CMTM8: variants seen among roughly 807,000 people sequenced by gnomAD.
The protein encoded by CMTM8 is CKLF like MARVEL transmembrane domain containing 8, also known as CKLF-like MARVEL transmembrane domain-containing protein 8.
A neutral mutation model predicts 18.6 loss-of-function variants in CMTM8; 12 were observed. The observed-to-expected ratio is 0.65, with a 90% CI of 0.41 to 1.05. The LOEUF (loss-of-function observed/expected upper bound fraction) is 1.05. Ranked by LOEUF, CMTM8 falls within the 50% of genes least tolerant of loss-of-function variation. CMTM8 has a pLI of 0.00. For missense variants in CMTM8, 217 were observed against 227.2 expected (o/e 0.95, Z 0.29); for synonymous variants, 87 against 90.6 (o/e 0.96, Z 0.23).
At chr3:32,345,343 G>T (rs1239819047) in intron 1 of CMTM8, among the ~76,000 whole-genome samples, 1 of 152,028 alleles carries the variant, frequency 6.6e-6, no homozygotes, top group Non-Finnish European at 1.5e-5. Context: ...ACGACAAAAT[G>T]AGACCAGTCT....
intron 1 of CMTM8, among the ~76,000 whole-genome samples, chr3:32,352,748 T>C (rs141157869): frequency 1.1e-4 from 17 of 152,280 alleles, no homozygotes; most frequent in African/African-American, 3.9e-4. Context: ...TTGTGTTTCT[T>C]GATTTGGATG....
intron 2 of CMTM8, 87 bp downstream of exon 2, chr3:32,357,633 C>CGAG (rs1432571710): frequency 2.2e-6 from 3 of 1,361,296 alleles, no homozygotes; most frequent in Non-Finnish European, 3.0e-6. Context: ...GACTGTCTCT[C>CGAG]TGCCCAGAAA....
intron 1 of CMTM8, among the ~76,000 whole-genome samples, chr3:32,343,306 G>C (rs532938738): frequency 6.6e-6 from 1 of 152,296 alleles, no homozygotes; most frequent in East Asian, 1.9e-4. Context: ...AAACCACTAT[G>C]GGATAAGTCT....
At chr3:32,251,991 G>T (rs555117628) in intron 1 of CMTM8, among the ~76,000 whole-genome samples, 1 of 152,218 alleles carries the variant, frequency 6.6e-6, no homozygotes, top group East Asian at 1.9e-4. Flanking sequence ...TTGGGAGGCT[G>T]AGGTGGGAGG....
At chr3:32,352,846 A>G (rs1304178755) in intron 1 of CMTM8, among the ~76,000 whole-genome samples, 2 of 148,924 alleles carry the variant, frequency 1.3e-5, no homozygotes, top group African/African-American at 4.9e-5. Context: ...GTATTTCAAT[A>G]CAGCAGTGAA....
intron 1 of CMTM8, among the ~76,000 whole-genome samples, chr3:32,260,812 G>T (rs937871943): frequency 6.6e-6 from 1 of 151,738 alleles, no homozygotes; most frequent in Admixed American, 6.6e-5. Context: ...GATTAATTTT[G>T]GGAAAATCAT....
chr3:32,349,157 T>C (rs1018806539), intron 1 of CMTM8, among the ~76,000 whole-genome samples: 11 of 152,098 alleles, frequency 7.2e-5, no homozygotes, highest in Non-Finnish European at 1.6e-4. Context: ...TGCCCTGTTA[T>C]ATAGGCTTTG....
chr3:32,284,179 G>A (rs950635918), intron 1 of CMTM8, among the ~76,000 whole-genome samples: 1 of 152,226 alleles, frequency 6.6e-6, no homozygotes, highest in Non-Finnish European at 1.5e-5. Flanking sequence ...TTTGAGCCCG[G>A]GAGGCAGAGG....
rs17854116 is a variant in CMTM8 at position 32,357,429 on chromosome 3, C to G, written c.204C>G (p.Pro68=). The G allele has an allele frequency of 1.2e-6, 2 of 1,613,902 alleles. No individual in the cohort carries two copies. Among genetic ancestry groups the G allele is most frequent in the African/African-American group, 1.3e-5 (1 of 74,882 alleles). The change falls in exon 2 of 4, where the codon CCC becomes CCG. Residue 68 remains proline (P), a synonymous_variant. Coordinates refer to ENST00000307526, the MANE Select transcript of CMTM8 (RefSeq NM_178868.5). Reference sequence around the variant, plus strand: ...CTGGAACTGAGTACTTCCGGGTCCCCGCATTTGGCTGGGTCATGTTTGTAG... The same window carrying G: ...CTGGAACTGAGTACTTCCGGGTCCCGGCATTTGGCTGGGTCATGTTTGTAG... ...LIAGTEYFRV[P]AFGWVMFVAV...
intron 1 of CMTM8, among the ~76,000 whole-genome samples, chr3:32,288,954 T>A (rs1295947900): frequency 6.6e-6 from 1 of 152,196 alleles, no homozygotes; most frequent in Non-Finnish European, 1.5e-5. Context: ...TGCCTAAGAT[T>A]ATACCAGTAA....
chr3:32,329,079 T>A (rs942112993), intron 1 of CMTM8, among the ~76,000 whole-genome samples: 15 of 151,224 alleles, frequency 9.9e-5, no homozygotes, highest in African/African-American at 2.9e-4. Context: ...CAAAAAAAAA[T>A]TTTTTTTTTC....
chr3:32,345,875 G>C (rs61656118), intron 1 of CMTM8, among the ~76,000 whole-genome samples: 12,395 of 152,208 alleles, frequency 0.081, 606 homozygotes, highest in East Asian at 0.18. Flanking sequence ...TAGAAATCAG[G>C]CAGACACAGT....
chr3:32,261,774 C>T (rs1165058710), intron 1 of CMTM8, among the ~76,000 whole-genome samples: 1 of 152,176 alleles, frequency 6.6e-6, no homozygotes, highest in Non-Finnish European at 1.5e-5. Flanking sequence ...CAACCACACC[C>T]TTGTGGAGTT....
At chr3:32,284,707 A>G (rs1480221358) in intron 1 of CMTM8, among the ~76,000 whole-genome samples, 1 of 152,160 alleles carries the variant, frequency 6.6e-6, no homozygotes, top group Non-Finnish European at 1.5e-5. Context: ...GCCAGGAGGA[A>G]CTCAATAAAT....
intron 1 of CMTM8, among the ~76,000 whole-genome samples, chr3:32,244,204 T>C (rs189771687): frequency 3.3e-5 from 5 of 152,314 alleles, no homozygotes; most frequent in African/African-American, 9.6e-5. Context: ...AGGAGTTTTT[T>C]TGAGACAGAG....
chr3:32,359,410 C>T (rs1280858717), intron 2 of CMTM8, among the ~76,000 whole-genome samples: 3 of 152,058 alleles, frequency 2.0e-5, no homozygotes, highest in East Asian at 1.9e-4. Flanking sequence ...GCCAACATGG[C>T]GAAATCCCGT....
intron 1 of CMTM8, among the ~76,000 whole-genome samples, chr3:32,327,302 A>G (rs544538484): frequency 2.1e-4 from 32 of 152,332 alleles, no homozygotes; most frequent in African/African-American, 7.2e-4. Flanking sequence ...ACTTGATAAC[A>G]TCTTTTAGAA....
chr3:32,369,988 A>C lies in CMTM8; in HGVS notation c.*21A>C, dbSNP rs1007756570. 1 of 1,453,358 alleles carries C rather than the reference A, an allele frequency of 6.9e-7. No homozygotes were observed. The highest frequency in any genetic ancestry group is 9.5e-7 in the Non-Finnish European group (1 of 1,051,392). 90.0% of individuals were successfully genotyped at this position (1,453,358 alleles called of 1,614,324 possible). ...AGTGATTTACCATTTTGATAATTAA[A>C]AGGAAAAAAAAAGGAAGACTCTCAC... is the stretch of plus-strand genomic sequence containing the variant. On this transcript the variant is annotated 3_prime_UTR_variant, in exon 4 of 4. Coordinates refer to ENST00000307526, the MANE Select transcript of CMTM8 (RefSeq NM_178868.5).
At chr3:32,285,185 A>G (rs1401719374) in intron 1 of CMTM8, among the ~76,000 whole-genome samples, 1 of 152,202 alleles carries the variant, frequency 6.6e-6, no homozygotes, top group Non-Finnish European at 1.5e-5. Context: ...GGGACCTTGC[A>G]TAGAATTATA....
Sources: allele counts gnomAD v4.1 joint callset (sites outside exome capture counted in the v4.1 genomes callset), GRCh38; gene constraint gnomAD v4.1.1; transcripts MANE v1.5; gene names NCBI Gene and HGNC (gene_info 2026-07-23, HGNC 2026-07-21).